PPT1: variants seen among roughly 807,000 people sequenced by gnomAD.
PPT1 encodes ceroid-palmitoyl-palmitoyl-protein thioesterase 1.
A neutral mutation model predicts 44.0 loss-of-function variants in PPT1; 24 were observed. That is an observed-to-expected ratio of 0.54 (90% CI 0.39 to 0.77). The LOEUF (loss-of-function observed/expected upper bound fraction) is 0.77, where lower values mean the gene tolerates loss of function less well. PPT1 is among the 30% of genes least tolerant of loss of function. The pLI is 0.00. For synonymous variants in PPT1, 148 were observed against 140.2 expected, an observed-to-expected ratio of 1.06 and a Z score of -0.39; for missense variants, 341 against 378.8, an observed-to-expected ratio of 0.90 and a Z score of 0.83.
At chr1:40,091,947 T>G in intron 3 of PPT1, 98 bp downstream of exon 3, 1 of 1,457,228 alleles carries the variant, frequency 6.9e-7, no homozygotes, top group Non-Finnish European at 9.5e-7. Flanking sequence ...CCTTCCAAGA[T>G]AGGTGACAAT....
In PPT1 at chr1:40,073,577, G is replaced by A. The variant is rs570163737; in HGVS notation, c.*484C>T. 221 of 181,996 alleles carry A rather than the reference G, an allele frequency of 1.2e-3. 2 individuals are homozygous for A. Among genetic ancestry groups the A allele is most frequent in the African/African-American group, 4.8e-3 (202 of 42,170 alleles). The allele number at this position is 181,996 out of a possible 1,614,324, so 11.3% of individuals were successfully genotyped here. A position where few individuals can be genotyped will look rare whatever the true frequency, so the allele number is the denominator to read the frequency against. ...TACTGAGAGAGGAAGGCAGCCTTAA[G>A]AAATGATGCAGAAATAGCCAAGCAA... On this transcript the variant is annotated 3_prime_UTR_variant, in exon 9 of 9. Coordinates refer to ENST00000642050, the MANE Select transcript of PPT1 (RefSeq NM_000310.4).
intron 1 of PPT1, among the ~76,000 whole-genome samples, chr1:40,093,718 C>G (rs1001636663): frequency 6.6e-6 from 1 of 151,804 alleles, no homozygotes; most frequent in African/African-American, 2.4e-5. Flanking sequence ...AACCCCATCT[C>G]TACTAAATAT....
In PPT1 at chr1:40,074,201, AT is replaced by A. The variant is rs747854849; in HGVS notation, c.799-19del. On this transcript the variant is annotated intron_variant, in intron 8 of 8. Coordinates refer to ENST00000642050, the MANE Select transcript of PPT1 (RefSeq NM_000310.4). The stretch of plus-strand genomic sequence containing the variant: ...AGGCGGTCCTGCAGAAGGAAAGGCC[AT>A]AATTAATTAAAAAGCTTAATGAAGT... 6.2e-7 allele frequency: 1 copy of A among 1,613,834 alleles called. No homozygotes were observed. Among genetic ancestry groups the A allele is most frequent in the South Asian group, 1.1e-5 (1 of 91,072 alleles).
chr1:40,078,654 A>C lies in PPT1; in HGVS notation c.632T>G (p.Ile211Ser). The change falls in exon 7 of 9, where the codon ATC becomes AGC. Residue 211 changes from isoleucine to serine, a missense_variant. Ile to Ser is a moderately radical substitution (Grantham distance 142). Transcript: ENST00000642050. ...CAGGTTTTTCTTGTAGGACTCATTG[A>C]TACCCTGAAAGAAAGGCCAGCAACA... ...FLADINQERG[I>S]NESYKKNLMA... 1 of 1,613,048 alleles carries C rather than the reference A, an allele frequency of 6.2e-7. No homozygotes were observed. The highest frequency in any genetic ancestry group is 1.1e-5 in the South Asian group (1 of 91,056).
Position 40,089,511 on chromosome 1 carries a change from A to T in PPT1, c.435T>A (p.Gly145=), listed in dbSNP as rs768915314. ...NLISVGGQHQ[G]VFGLPRCPGE... is the part of the protein sequence containing the mutation. ...CTGGGCATCGAGGGAGTCCAAAAAC[A>T]CCTACAGTGGTAGATGACAAATATC... is the stretch of plus-strand genomic sequence containing the variant. The change falls in exon 5 of 9, where the codon GGT becomes GGA. Residue 145 remains glycine (G), a splice_region_variant and synonymous_variant. Transcript: ENST00000642050. 1.1e-5 allele frequency: 17 copies of T among 1,611,210 alleles called. No homozygotes were observed. The highest frequency in any genetic ancestry group is 1.4e-5 in the Non-Finnish European group (16 of 1,177,330).
Position 40,089,438 on chromosome 1 carries a change from C to T in PPT1, c.508G>A (p.Gly170Arg). 1 of 1,614,124 alleles carries T rather than the reference C, an allele frequency of 6.2e-7. No individual in the cohort carries two copies. Among genetic ancestry groups the T allele is most frequent in the Non-Finnish European group, 8.5e-7 (1 of 1,180,030 alleles). Residue 170 changes from glycine (G) to arginine (R), a missense_variant, in exon 5 of 9, where the codon GGG becomes AGG. Transcript: ENST00000642050. ...CDFIRKTLNA[G>R]AYSKVVQERL... is the part of the protein sequence containing the mutation. ...TCCTGAACAACTTTGGAGTACGCCC[C>T]AGCATTCAGTGTTTTTCGGATGAAG...
chr1:40,074,226 G>A, intron 8 of PPT1, 43 bp from the exon 9 acceptor site: 2 of 1,610,656 alleles, frequency 1.2e-6, no homozygotes, highest in Non-Finnish European at 1.7e-6. Flanking sequence ...GCTTAATGAA[G>A]TTTTGGAGTA....
chr1:40,090,738 C>G (rs901553326), intron 4 of PPT1, among the ~76,000 whole-genome samples: 1 of 152,152 alleles, frequency 6.6e-6, no homozygotes, highest in Admixed American at 6.6e-5. Context: ...ACCTAAGATA[C>G]CAAATTACTT....
chr1:40,085,362 A>C (rs545757252), intron 5 of PPT1, among the ~76,000 whole-genome samples: 7 of 151,390 alleles, frequency 4.6e-5, no homozygotes, highest in Non-Finnish European at 1.0e-4. Flanking sequence ...GATGGCTCAC[A>C]CTCCTTACCC....
intron 8 of PPT1, chr1:40,076,503 G>A: frequency 1.4e-6 from 1 of 708,628 alleles, no homozygotes; most frequent in Non-Finnish European, 1.7e-6. Context: ...ATGCATGGAG[G>A]CTTCCTGGAT....
chr1:40,093,874 G>C (rs760340034), intron 1 of PPT1: 1 of 565,210 alleles, frequency 1.8e-6, no homozygotes. Flanking sequence ...ACAGAACAAG[G>C]CTCCATCTCA....
rs2124465651 is a variant in PPT1, at chr1:40,074,163, T to C, written c.819A>G (p.Glu273=). Residue 273 remains glutamate, a synonymous_variant, in exon 9 of 9, where the codon GAA becomes GAG. Transcript: ENST00000642050. ...ACACTAGCTGTCCTGCATTGTCCAT[T>C]TCCTTTAGCCCCAGGCGGTCCTGCA... The part of the protein sequence containing the change: ...LYTQDRLGLK[E]MDNAGQLVFL... The C allele has an allele frequency of 1.2e-6, 2 of 1,614,176 alleles. No homozygotes were observed. The highest frequency in any genetic ancestry group is 3.3e-4 in the Middle Eastern group (2 of 6,062).
chr1:40,077,301 G>T (rs1648679818), intron 7 of PPT1, among the ~76,000 whole-genome samples: 1 of 152,174 alleles, frequency 6.6e-6, no homozygotes, highest in South Asian at 2.1e-4. Flanking sequence ...TTTTGTAAAG[G>T]CCAGATACAA....
At chr1:40,081,528 A>C (rs889980881) in intron 5 of PPT1, among the ~76,000 whole-genome samples, 4 of 143,322 alleles carry the variant, frequency 2.8e-5, no homozygotes, top group Non-Finnish European at 4.5e-5. Flanking sequence ...CAGAGCGAGA[A>C]TCCATCTCAA....
chr1:40,090,087 A>G (rs1202503791), intron 4 of PPT1, among the ~76,000 whole-genome samples: 1 of 152,218 alleles, frequency 6.6e-6, no homozygotes, highest in Non-Finnish European at 1.5e-5. Flanking sequence ...GTTTGGCCCC[A>G]GAGCCCACTC....
intron 6 of PPT1, 166 bp from the exon 7 acceptor site, chr1:40,078,824 T>C (rs1283686096): frequency 1.5e-6 from 1 of 652,008 alleles, no homozygotes; most frequent in East Asian, 3.1e-5. Flanking sequence ...GTACAGCTTT[T>C]TTTTTTCTTT....
At position 40,097,156 on chromosome 1, in the gene PPT1, T is replaced by C. The variant is rs749909390; in HGVS notation, c.83A>G (p.Asp28Gly). The change falls in exon 1 of 9, where the codon GAC (aspartate) becomes GGC (glycine). Residue 28 changes from aspartate to glycine, a missense_variant. By Grantham distance (94) the Asp-to-Gly change is moderately conservative (BLOSUM62 -1). Transcript: ENST00000642050. ...TCASRALQHL[D>G]PPAPLPLVIW... ...CACCAACGGCAGCGGCGCCGGCGGGTCCAGATGCTGCAGCGCCCGAGAAGC... is the reference window on the plus strand; with the variant it reads ...CACCAACGGCAGCGGCGCCGGCGGGCCCAGATGCTGCAGCGCCCGAGAAGC... 157 of 1,613,430 alleles carry C rather than the reference T, an allele frequency of 9.7e-5. 2 individuals carry two copies. Among genetic ancestry groups the C allele is most frequent in the Non-Finnish European group, 8.5e-6 (10 of 1,179,818 alleles).
intron 5 of PPT1, among the ~76,000 whole-genome samples, chr1:40,081,130 G>A (rs750999965): frequency 6.6e-6 from 1 of 152,126 alleles, no homozygotes; most frequent in African/African-American, 2.4e-5. Context: ...ATCTTGAATT[G>A]TAACTCCCAC....
rs1488233380 is a variant in PPT1, at chr1:40,092,264, C to T, written c.235-92G>A. 5.1e-6 allele frequency: 8 copies of T among 1,571,738 alleles called. No individual in the cohort carries two copies. The East Asian group carries it at 1.3e-4, about 26-fold the overall frequency. Reference sequence around the variant, plus strand: ...AGGTAAACTCATTTAGGTTGGTATCCTCACATGAGCCACTCAAGGGTGAAA... The same window carrying T: ...AGGTAAACTCATTTAGGTTGGTATCTTCACATGAGCCACTCAAGGGTGAAA... On this transcript the variant is annotated intron_variant, in intron 2 of 8. Transcript: ENST00000642050.
Sources: allele counts gnomAD v4.1 joint callset (sites outside exome capture counted in the v4.1 genomes callset), GRCh38; gene constraint gnomAD v4.1.1; transcripts MANE v1.5; gene names NCBI Gene and HGNC (gene_info 2026-07-23, HGNC 2026-07-21).